Variants in SLC16A7 observed in about 807,000 individuals in gnomAD.
SLC16A7 encodes solute carrier family 16 member 7, also known as monocarboxylate transporter 2.
In SLC16A7, 33 loss-of-function variants were observed where a neutral mutation model predicts 34.9. The ratio of observed to expected loss-of-function variants is 0.94; its 90% confidence interval spans 0.72 to 1.26. The LOEUF (loss-of-function observed/expected upper bound fraction) is 1.26, where lower values mean the gene tolerates loss of function less well. Ranked by LOEUF, SLC16A7 falls within the 50% of genes most tolerant of loss-of-function variation. The pLI, the probability that SLC16A7 is intolerant of heterozygous loss-of-function variation, is 0.00. For synonymous variants in SLC16A7, 201 were observed against 206.6 expected (o/e 0.97, Z 0.23); for missense variants, 573 against 578.1 (o/e 0.99, Z 0.09).
At chr12:59,713,310 G>T (rs577858502) in intron 3 of SLC16A7, among the ~76,000 whole-genome samples, 3 of 151,988 alleles carry the variant, frequency 2.0e-5, no homozygotes, top group Non-Finnish European at 4.4e-5. Flanking sequence ...ATGAGCCACC[G>T]CACCCAGCTG....
intron 1 of SLC16A7, among the ~76,000 whole-genome samples, chr12:59,653,353 C>T (rs1485420948): frequency 1.3e-5 from 2 of 151,440 alleles, no homozygotes; most frequent in Non-Finnish European, 3.0e-5. Context: ...TGTGGGAGAT[C>T]TTGCTTTTTA....
intron 3 of SLC16A7, among the ~76,000 whole-genome samples, chr12:59,766,583 G>C (rs1031910801): frequency 5.9e-5 from 9 of 152,288 alleles, no homozygotes; most frequent in South Asian, 4.1e-4. Context: ...CATCTATTGA[G>C]ATAATCATGT....
intron 2 of SLC16A7, among the ~76,000 whole-genome samples, chr12:59,695,521 C>T (rs1852645078): frequency 1.3e-5 from 2 of 151,944 alleles, no homozygotes; most frequent in African/African-American, 4.8e-5. Flanking sequence ...TTTCTCATAT[C>T]CCTGACTTTT....
intron 3 of SLC16A7, chr12:59,720,287 G>T (rs967186648): frequency 7.8e-5 from 40 of 514,082 alleles, no homozygotes; most frequent in Non-Finnish European, 9.8e-5. Flanking sequence ...CATAAATTTG[G>T]TCTATGTTTT....
At chr12:59,602,479 C>CTTT (rs34035713) in intron 1 of SLC16A7, among the ~76,000 whole-genome samples, 1,295 of 80,186 alleles carry the variant, frequency 0.016, 12 homozygotes, top group East Asian at 0.019. Flanking sequence ...GTGTTTTGGG[C>CTTT]TTTTTTTTTT....
At chr12:59,675,213 TCTTATTCA>T (rs1465581529) in intron 2 of SLC16A7, among the ~76,000 whole-genome samples, 18 of 152,358 alleles carry the variant, frequency 1.2e-4, no homozygotes, top group African/African-American at 4.1e-4. Flanking sequence ...TTTCTTATTG[TCTTATTCA>T]CTGATCGTAG....
chr12:59,636,215 AAC>A lies in SLC16A7; in HGVS notation c.-129-18934_-129-18933del, dbSNP rs762609767. 1.5e-4 allele frequency among the ~76,000 whole-genome samples: 23 copies of A among 152,222 alleles called. No individual in the cohort carries two copies. In the East Asian group the frequency reaches 2.5e-3, roughly 17 times the overall value. On this transcript the variant is annotated intron_variant, in intron 1 of 5. Transcript: ENST00000547379. ...ACGATATTTGAAGAAATTAAATAAG[AAC>A]ACTTTCTGTTTCCCTCAGATGAACT...
At chr12:59,704,723 AC>A (rs1873359846) in intron 2 of SLC16A7, 48 bp from the exon 3 acceptor site, 1 of 969,472 alleles carries the variant, frequency 1.0e-6, no homozygotes, top group Admixed American at 2.3e-5. Context: ...AGAGTGGTAA[AC>A]AAAAGGGGAA....
chr12:59,646,330 C>T (rs1292046642), intron 1 of SLC16A7, among the ~76,000 whole-genome samples: 3 of 152,154 alleles, frequency 2.0e-5, no homozygotes, highest in Non-Finnish European at 2.9e-5. Flanking sequence ...CTTTGTGTCT[C>T]AGCCACTCTA....
intron 1 of SLC16A7, among the ~76,000 whole-genome samples, chr12:59,606,671 T>A (rs1878956714): frequency 2.0e-5 from 3 of 152,174 alleles, no homozygotes. Context: ...GACAACTAGA[T>A]CTTGGCTCCC....
intron 2 of SLC16A7, among the ~76,000 whole-genome samples, chr12:59,670,965 G>A (rs754757157): frequency 2.0e-5 from 3 of 151,380 alleles, no homozygotes; most frequent in Non-Finnish European, 4.4e-5. Flanking sequence ...CTCTCTTCAT[G>A]TCATCCTGTC....
chr12:59,753,930 C>G (rs908699605), intron 3 of SLC16A7, among the ~76,000 whole-genome samples: 11 of 152,110 alleles, frequency 7.2e-5, no homozygotes, highest in South Asian at 2.1e-4. Context: ...TGCAATCAAA[C>G]TAGAACTCAG....
chr12:59,734,552 C>A (rs1216459138), intron 3 of SLC16A7, among the ~76,000 whole-genome samples: 1 of 152,180 alleles, frequency 6.6e-6, no homozygotes, highest in Non-Finnish European at 1.5e-5. Context: ...GGGTCTCCAA[C>A]CCCTTTAACT....
rs372857963 is a variant in SLC16A7, at chr12:59,773,780, G to C, written c.362-877G>C. 6.6e-5 allele frequency among the ~76,000 whole-genome samples: 10 copies of C among 152,086 alleles called. No individual in the cohort carries two copies. The East Asian group carries it at 1.9e-3, about 29-fold the overall frequency. ...GGGTTTCACCATGTTGGCCAGGATG[G>C]TCTCGATCTCCTGACCTCATGATCC... On this transcript the variant is annotated intron_variant, in intron 4 of 5. Coordinates refer to ENST00000547379, the MANE Select transcript of SLC16A7 (RefSeq NM_001270623.2).
At chr12:59,634,972 A>G (rs1459131062) in intron 1 of SLC16A7, among the ~76,000 whole-genome samples, 1 of 152,076 alleles carries the variant, frequency 6.6e-6, no homozygotes. Context: ...CAGCTGATGC[A>G]CTTGAGAATG....
At chr12:59,620,920 A>G (rs1024825379) in intron 1 of SLC16A7, among the ~76,000 whole-genome samples, 3 of 151,838 alleles carry the variant, frequency 2.0e-5, no homozygotes, top group South Asian at 2.1e-4. Context: ...ATGGCCTTCT[A>G]TTTTCCTTAG....
chr12:59,696,936 T>A (rs1872370341), intron 2 of SLC16A7, among the ~76,000 whole-genome samples: 1 of 151,830 alleles, frequency 6.6e-6, no homozygotes, highest in African/African-American at 2.4e-5. Context: ...AAAGTAAAAT[T>A]TCATATAAAT....
At position 59,665,992 on chromosome 12, in the gene SLC16A7, G is replaced by A. The variant is rs773979365; in HGVS notation, c.-31+10742G>A. On this transcript the variant is annotated intron_variant, in intron 2 of 5. Transcript: ENST00000547379. ...ATGTTCTTATGGTACTACATATGCA[G>A]TTTTCCATTTGTATTCTTTTCAAAC... is the stretch of plus-strand genomic sequence containing the variant. 1.3e-5 allele frequency among the ~76,000 whole-genome samples: 2 copies of A among 152,050 alleles called. 1 individual carries two copies. The highest frequency in any genetic ancestry group is 4.1e-4 in the South Asian group (2 of 4,824).
At chr12:59,674,883 A>G (rs745390857) in intron 2 of SLC16A7, among the ~76,000 whole-genome samples, 15 of 152,218 alleles carry the variant, frequency 9.9e-5, no homozygotes, top group Non-Finnish European at 1.8e-4. Flanking sequence ...AGTGGATACA[A>G]TGGGACAGAA....
Sources: allele counts gnomAD v4.1 joint callset (sites outside exome capture counted in the v4.1 genomes callset), GRCh38; gene constraint gnomAD v4.1.1; transcripts MANE v1.5; gene names NCBI Gene and HGNC (gene_info 2026-07-23, HGNC 2026-07-21).